The following GLIS3 variants were observed in gnomAD, a reference collection of about 807,000 sequenced individuals.
GLIS3 encodes the protein zinc finger protein GLIS3.
In GLIS3, 53 loss-of-function variants were observed where a neutral mutation model predicts 78.6. The observed-to-expected ratio is 0.67, with a 90% CI of 0.54 to 0.85. GLIS3 has a LOEUF of 0.85. Among genes scored for constraint, GLIS3 ranks in the 40% least tolerant of loss-of-function variants. The pLI is 0.00. For missense variants in GLIS3, 1,703 were observed against 1,231.1 expected, an observed-to-expected ratio of 1.38 and a Z score of -5.74; for synonymous variants, 684 against 509.9, an observed-to-expected ratio of 1.34 and a Z score of -4.60.
chr9:4,164,089 T>A (rs1404519647), intron 2 of GLIS3, among the ~76,000 whole-genome samples: 1 of 152,250 alleles, frequency 6.6e-6, no homozygotes, highest in Non-Finnish European at 1.5e-5. Context: ...GTCTATATGC[T>A]GGTTTTAATT....
In GLIS3 at chr9:4,285,981, G is replaced by C. The variant is rs779402617; in HGVS notation, c.388+57C>G. 4.4e-6 allele frequency: 7 copies of C among 1,599,254 alleles called. No homozygotes were observed. The Admixed American group carries it at 1.0e-4, about 23-fold the overall frequency. ...CATAGGATTTGCTGGCAGAAAATGG[G>C]ATGGGGGAGAAAAAAATCGTTTCCA... On this transcript the variant is annotated intron_variant, in intron 2 of 10. Coordinates refer to ENST00000381971, the MANE Select transcript of GLIS3 (RefSeq NM_001042413.2).
Position 3,874,491 on chromosome 9 carries a change from G to A in GLIS3, c.2297+4936C>T, listed in dbSNP as rs1821171853. ...TGTGAACTGCTCCAGCAAATTAATAGAACCGGAGGAGGGGGCTGTGGAAAT... is the reference window on the plus strand; with the variant it reads ...TGTGAACTGCTCCAGCAAATTAATAAAACCGGAGGAGGGGGCTGTGGAAAT... On this transcript the variant is annotated intron_variant, in intron 8 of 10. Coordinates refer to ENST00000381971, the MANE Select transcript of GLIS3 (RefSeq NM_001042413.2). Among the ~76,000 whole-genome samples, 2 of 152,302 alleles carry A rather than the reference G, an allele frequency of 1.3e-5. 1 individual carries two copies. The highest frequency in any genetic ancestry group is 4.8e-5 in the African/African-American group (2 of 41,562).
chr9:4,196,577 G>A (rs144789985), intron 2 of GLIS3, among the ~76,000 whole-genome samples: 10 of 151,976 alleles, frequency 6.6e-5, no homozygotes, highest in East Asian at 1.9e-4. Context: ...AACTCCAGAC[G>A]CGCTGCCTTA....
Position 4,307,369 on chromosome 9 carries a change from C to G in GLIS3, n.584+1408G>C, listed in dbSNP as rs79321323. Among the ~76,000 whole-genome samples, 1,358 of 152,188 alleles carry G rather than the reference C, an allele frequency of 8.9e-3. 85 individuals carry two copies. The East Asian group carries it at 0.2, about 22-fold the overall frequency. On this transcript the variant is annotated intron_variant and non_coding_transcript_variant, in intron 4 of 4. Coordinates refer to the GLIS3 transcript ENST00000471664. ...TACATGTAATGACCTGTTTATACGA[C>G]GCTACCGTGATACTGAACTTCCTGT...
intron 2 of GLIS3, among the ~76,000 whole-genome samples, chr9:4,190,849 A>G (rs545263673): frequency 6.6e-6 from 1 of 152,374 alleles, no homozygotes; most frequent in South Asian, 2.1e-4. Context: ...CAGAAAGTCT[A>G]CAAGCCAGAA....
intron 1 of GLIS3, among the ~76,000 whole-genome samples, chr9:4,292,426 A>C (rs1440586885): frequency 6.6e-6 from 1 of 152,234 alleles, no homozygotes; most frequent in Non-Finnish European, 1.5e-5. Context: ...ACAGTATAAA[A>C]GTCACTGTTA....
the GLIS3 span, among the ~76,000 whole-genome samples, chr9:4,479,261 T>C: frequency 7.9e-5 from 12 of 152,168 alleles, no homozygotes; most frequent in East Asian, 1.9e-4. Flanking sequence ...ATAAGAGAGA[T>C]TGTAGAATAA....
chr9:3,985,028 T>C (rs1322489632), intron 4 of GLIS3, among the ~76,000 whole-genome samples: 1 of 151,658 alleles, frequency 6.6e-6, no homozygotes, highest in Admixed American at 6.6e-5. Context: ...CTTTCTTTTG[T>C]AAATTGCCCA....
intron 2 of GLIS3, among the ~76,000 whole-genome samples, chr9:4,210,557 G>T (rs189357760): frequency 6.6e-6 from 1 of 152,020 alleles, no homozygotes; most frequent in African/African-American, 2.4e-5. Flanking sequence ...TTTTTTAAGA[G>T]CAAATTTTAG....
chr9:4,051,999 A>T (rs1825781172), intron 4 of GLIS3, among the ~76,000 whole-genome samples: 1 of 152,262 alleles, frequency 6.6e-6, no homozygotes, highest in African/African-American at 2.4e-5. Context: ...ATTACAGATT[A>T]GAGTGCATTG....
intron 4 of GLIS3, among the ~76,000 whole-genome samples, chr9:4,005,467 C>G (rs1821468093): frequency 6.6e-6 from 1 of 152,106 alleles, no homozygotes; most frequent in Non-Finnish European, 1.5e-5. Context: ...AGAACATGGC[C>G]CTAGGAGCTA....
chr9:3,979,060 A>T (rs968337127), intron 4 of GLIS3, among the ~76,000 whole-genome samples: 3 of 152,274 alleles, frequency 2.0e-5, no homozygotes, highest in East Asian at 1.9e-4. Context: ...TGGTATCCTC[A>T]TGGGGTCCTG....
chr9:4,399,709 G>T, the GLIS3 span, among the ~76,000 whole-genome samples: 1 of 152,172 alleles, frequency 6.6e-6, no homozygotes, highest in African/African-American at 2.4e-5. Context: ...TCTGGAAGCT[G>T]TAAGTAACAA....
intron 4 of GLIS3, among the ~76,000 whole-genome samples, chr9:4,061,320 G>T (rs1042905083): frequency 3.3e-5 from 5 of 150,382 alleles, no homozygotes; most frequent in South Asian, 2.1e-4. Context: ...GCGGTGTTTG[G>T]TTTTTTGTCC....
chr9:4,024,218 G>A (rs574327004), intron 4 of GLIS3, among the ~76,000 whole-genome samples: 5 of 152,218 alleles, frequency 3.3e-5, no homozygotes, highest in East Asian at 3.9e-4. Context: ...TGTTCAGACC[G>A]AGACTGTACA....
chr9:4,354,229 G>A, the GLIS3 span, among the ~76,000 whole-genome samples: 1 of 152,118 alleles, frequency 6.6e-6, no homozygotes, highest in East Asian at 1.9e-4. Context: ...AAAGGCACAT[G>A]AAATTAGACT....
At chr9:3,916,420 G>T (rs866704754) in intron 6 of GLIS3, among the ~76,000 whole-genome samples, 1 of 152,222 alleles carries the variant, frequency 6.6e-6, no homozygotes, top group African/African-American at 2.4e-5. Flanking sequence ...GTGTCCCCCT[G>T]CGCCAACTCT....
chr9:3,957,978 C>T (rs1265805458), intron 4 of GLIS3, among the ~76,000 whole-genome samples: 1 of 152,172 alleles, frequency 6.6e-6, no homozygotes, highest in East Asian at 1.9e-4. Context: ...TGAGGGAATT[C>T]CGTGGCAGCA....
At chr9:4,090,889 C>G (rs906293069) in intron 4 of GLIS3, among the ~76,000 whole-genome samples, 2 of 152,194 alleles carry the variant, frequency 1.3e-5, no homozygotes, top group African/African-American at 2.4e-5. Context: ...ATGCATAGCA[C>G]AGTCGTTACA....
Sources: allele counts gnomAD v4.1 joint callset (sites outside exome capture counted in the v4.1 genomes callset), GRCh38; gene constraint gnomAD v4.1.1; transcripts MANE v1.5; gene names NCBI Gene and HGNC (gene_info 2026-07-23, HGNC 2026-07-21).